Variants in ENHO observed in about 807,000 individuals in gnomAD.
The protein encoded by ENHO is energy homeostasis associated.
Under a neutral mutation model 4.1 loss-of-function variants are expected in ENHO, and 5 were observed. That is an observed-to-expected ratio of 1.23 (90% CI 0.64 to 2.58). ENHO has a LOEUF of 2.58. Among genes scored for constraint, ENHO ranks in the 30% most tolerant of loss-of-function variants. The probability of loss-of-function intolerance (pLI) is 0.01; values close to 1 mark genes in which losing one functional copy is unlikely to be tolerated. For missense variants in ENHO, 86 were observed against 97.7 expected (o/e 0.88, Z 0.51); for synonymous variants, 45 against 42.9 (o/e 1.05, Z -0.19).
chr9:34,521,582 A>G lies in ENHO; in HGVS notation c.114T>C (p.Ser38=). 1.9e-6 allele frequency: 3 copies of G among 1,614,104 alleles called. No homozygotes were observed. The highest frequency in any genetic ancestry group is 2.2e-5 in the South Asian group (2 of 91,088). The change falls in exon 2 of 2, where the codon TCT becomes TCC. Residue 38 remains serine (S), a synonymous_variant. Coordinates refer to ENST00000399775, the MANE Select transcript of ENHO (RefSeq NM_198573.3). ...ATTCAGAGAGAGAGTCAACGTCGGC[A>G]GAGCGAGAATGGCAGGCCCAGCAGA... ...VILCWACHSR[S]ADVDSLSESS...
Position 34,521,560 on chromosome 9 carries a change from CAGAG to C in ENHO, c.132_135del (p.Ser45AsnfsTer43). The C allele has an allele frequency of 1.2e-6, 2 of 1,614,012 alleles. No individual in the cohort carries two copies. Among genetic ancestry groups the C allele is most frequent in the Non-Finnish European group, 1.7e-6 (2 of 1,180,030 alleles). On this transcript the variant is annotated frameshift_variant, in exon 2 of 2. Coordinates refer to ENST00000399775, the MANE Select transcript of ENHO (RefSeq NM_198573.3). LOFTEE classifies it high-confidence loss of function. ...CCAGGGCTGGAGTTGGGACTGGATT[CAGAG>C]AGAGAGTCAACGTCGGCAGAGCGAG...
chr9:34,521,791 G>T lies in ENHO; in HGVS notation c.-96C>A, dbSNP rs376637589. ...ACTCTGGTATGGCCGGCCTTCAGAGGAGGCTGTGCTGTCTGCACGCTCAGT... is the reference window on the plus strand; with the variant it reads ...ACTCTGGTATGGCCGGCCTTCAGAGTAGGCTGTGCTGTCTGCACGCTCAGT... On this transcript the variant is annotated 5_prime_UTR_variant, in exon 2 of 2. Transcript: ENST00000399775. 1.2e-5 allele frequency: 13 copies of T among 1,110,716 alleles called. No individual in the cohort carries two copies. In the East Asian group the frequency reaches 2.3e-4, roughly 20 times the overall value. The allele number at this position is 1,110,716 out of a possible 1,614,324, so 68.8% of individuals were successfully genotyped here.
At position 34,521,460 on chromosome 9, in the gene ENHO, G is replaced by A; in HGVS notation, c.*5C>T. ...GTCCTGGGCTCCAGGCTAGGCCAGG[G>A]GCCTTCAGGGCTGCAGCAGGTAGCT... On this transcript the variant is annotated 3_prime_UTR_variant, in exon 2 of 2. Coordinates refer to ENST00000399775, the MANE Select transcript of ENHO (RefSeq NM_198573.3). 1 of 1,610,064 alleles carries A rather than the reference G, an allele frequency of 6.2e-7. No homozygotes were observed. Among genetic ancestry groups the A allele is most frequent in the Non-Finnish European group, 8.5e-7 (1 of 1,178,200 alleles).
chr9:34,521,780 G>C lies in ENHO; in HGVS notation c.-85C>G, dbSNP rs967619497. On this transcript the variant is annotated 5_prime_UTR_variant, in exon 2 of 2. Coordinates refer to ENST00000399775, the MANE Select transcript of ENHO (RefSeq NM_198573.3). Reference sequence around the variant, plus strand: ...GCCGAGGCAGGACTCTGGTATGGCCGGCCTTCAGAGGAGGCTGTGCTGTCT... The same window carrying C: ...GCCGAGGCAGGACTCTGGTATGGCCCGCCTTCAGAGGAGGCTGTGCTGTCT... The C allele has an allele frequency of 8.3e-7, 1 of 1,209,804 alleles. No individual in the cohort carries two copies. The highest frequency in any genetic ancestry group is 1.2e-6 in the Non-Finnish European group (1 of 844,906). 74.9% of individuals were successfully genotyped at this position (1,209,804 alleles called of 1,614,324 possible).
Position 34,522,592 on chromosome 9 carries a change from G to T in ENHO, c.-162+185C>A, listed in dbSNP as rs1276654716. 1.3e-5 allele frequency among the ~76,000 whole-genome samples: 2 copies of T among 151,846 alleles called. No individual in the cohort carries two copies. The highest frequency in any genetic ancestry group is 2.9e-5 in the Non-Finnish European group (2 of 67,956). Reference sequence around the variant, plus strand: ...CTCTGTGTCTCTCTCTCTCTTCCAGGCTGTATCCCCCTCTGTTCCCATGGA... The same window carrying T: ...CTCTGTGTCTCTCTCTCTCTTCCAGTCTGTATCCCCCTCTGTTCCCATGGA... On this transcript the variant is annotated intron_variant, in intron 1 of 1. Transcript: ENST00000399775. The surrounding 1 kb of genome is among the most constrained non-coding windows in gnomAD (Gnocchi z 4.2).
chr9:34,521,409 C>A lies in ENHO; in HGVS notation c.*56G>T, dbSNP rs936439422. The stretch of plus-strand genomic sequence containing the variant: ...CTGGCTGAACTCTGGGATCCTAATT[C>A]CAGGCTCTAGGTGAGGTGGACTTAG... On this transcript the variant is annotated 3_prime_UTR_variant, in exon 2 of 2. Transcript: ENST00000399775. 2 of 1,506,306 alleles carry A rather than the reference C, an allele frequency of 1.3e-6. No homozygotes were observed. The highest frequency in any genetic ancestry group is 3.4e-5 in the Admixed American group (2 of 59,394). 93.3% of individuals were successfully genotyped at this position (1,506,306 alleles called of 1,614,324 possible).
Position 34,521,689 on chromosome 9 carries a change from C to G in ENHO, c.7G>C (p.Ala3Pro). The change falls in exon 2 of 2, where the codon GCA becomes CCA. Residue 3 changes from alanine to proline, a missense_variant. By Grantham distance (27) the Ala-to-Pro change is conservative. Coordinates refer to ENST00000399775, the MANE Select transcript of ENHO (RefSeq NM_198573.3). ...ATGAGGGCCCCCTGGGAGATGGCTG[C>G]CCCCATGACAGGCAGCACCCTCAGA... is the stretch of plus-strand genomic sequence containing the variant. The part of the protein sequence containing the change: MG[A>P]AISQGALIAI... 6.2e-7 allele frequency: 1 copy of G among 1,612,968 alleles called. No individual in the cohort carries two copies. Among genetic ancestry groups the G allele is most frequent in the South Asian group, 1.1e-5 (1 of 90,984 alleles).
chr9:34,521,051 T>C lies in ENHO; in HGVS notation c.*414A>G, dbSNP rs1287819150. ...AGAAGAAAACCTCAGGGTAGAGCCA[T>C]AGTTCCATTTATTATCCAGCAAACA... On this transcript the variant is annotated 3_prime_UTR_variant, in exon 2 of 2. Coordinates refer to ENST00000399775, the MANE Select transcript of ENHO (RefSeq NM_198573.3). 9.3e-6 allele frequency: 5 copies of C among 535,798 alleles called. No homozygotes were observed. The highest frequency in any genetic ancestry group is 2.1e-5 in the South Asian group (1 of 48,614). The allele number at this position is 535,798 out of a possible 1,614,324, so 33.2% of individuals were successfully genotyped here. A position where few individuals can be genotyped will look rare whatever the true frequency, so the allele number is the denominator to read the frequency against.
Position 34,522,005 on chromosome 9 carries a change from A to C in ENHO, c.-161-149T>G. ...GGGTCCCAACAGGCTCGAATACCCC[A>C]CAGAGCCATCACCCCCATCCACAGG... On this transcript the variant is annotated intron_variant, in intron 1 of 1. Coordinates refer to ENST00000399775, the MANE Select transcript of ENHO (RefSeq NM_198573.3). The surrounding 1 kb of genome is among the most constrained non-coding windows in gnomAD (Gnocchi z 4.2). 2 of 427,736 alleles carry C rather than the reference A, an allele frequency of 4.7e-6. No homozygotes were observed. The highest frequency in any genetic ancestry group is 8.5e-6 in the Non-Finnish European group (2 of 234,740). The allele number at this position is 427,736 out of a possible 1,614,324, so 26.5% of individuals were successfully genotyped here.
rs764351015 is a variant in ENHO, at chr9:34,521,714, AC to A, written c.-20del. 6.3e-7 allele frequency: 1 copy of A among 1,599,732 alleles called. No individual in the cohort carries two copies. The highest frequency in any genetic ancestry group is 8.5e-7 in the Non-Finnish European group (1 of 1,170,152). ...CCCCCATGACAGGCAGCACCCTCAG[AC>A]CAGCACAGACAGTGGAGCTGCCTCA... is the stretch of plus-strand genomic sequence containing the variant. On this transcript the variant is annotated 5_prime_UTR_variant, in exon 2 of 2. It removes the in-frame stop codon of an upstream open reading frame in the 5' UTR. Coordinates refer to ENST00000399775, the MANE Select transcript of ENHO (RefSeq NM_198573.3).
rs1825300912 is a variant in ENHO, at chr9:34,522,904, T to A, written c.-289A>T. The stretch of plus-strand genomic sequence containing the variant: ...GGAGACCAGCAGAGGCGACGTCCGC[T>A]CCCCCGGCCCTCCCCCTCGGCCGCG... On this transcript the variant is annotated 5_prime_UTR_variant, in exon 1 of 2. Transcript: ENST00000399775. This position sits in a 1 kb window ranked among gnomAD's most constrained non-coding sequence, Gnocchi z 4.2. 2 of 150,006 alleles carry A rather than the reference T, an allele frequency of 1.3e-5. No homozygotes were observed. The highest frequency in any genetic ancestry group is 1.3e-4 in the Admixed American group (2 of 15,154). 9.3% of individuals were successfully genotyped at this position (150,006 alleles called of 1,614,324 possible). A position where few individuals can be genotyped will look rare whatever the true frequency, so the allele number is the denominator to read the frequency against.
At position 34,521,454 on chromosome 9, in the gene ENHO, G is replaced by A; in HGVS notation, c.*11C>T. 1.2e-6 allele frequency: 2 copies of A among 1,609,250 alleles called. No individual in the cohort carries two copies. Among genetic ancestry groups the A allele is most frequent in the East Asian group, 2.2e-5 (1 of 44,842 alleles). ...ACTTAGGTCCTGGGCTCCAGGCTAG[G>A]CCAGGGGCCTTCAGGGCTGCAGCAG... On this transcript the variant is annotated 3_prime_UTR_variant, in exon 2 of 2. Transcript: ENST00000399775.
In ENHO at chr9:34,521,388, C is replaced by T. The variant is rs774883423; in HGVS notation, c.*77G>A. 2.9e-6 allele frequency: 4 copies of T among 1,376,590 alleles called. No individual in the cohort carries two copies. The highest frequency in any genetic ancestry group is 4.1e-6 in the Non-Finnish European group (4 of 979,238). The allele number at this position is 1,376,590 out of a possible 1,614,324, so 85.3% of individuals were successfully genotyped here. On this transcript the variant is annotated 3_prime_UTR_variant, in exon 2 of 2. Coordinates refer to ENST00000399775, the MANE Select transcript of ENHO (RefSeq NM_198573.3). ...TCTTGAGTTCTGGACCCCAGGCTGG[C>T]TGAACTCTGGGATCCTAATTCCAGG...
rs1409898845 is a variant in ENHO, at chr9:34,522,643, G to C, written c.-162+134C>G. On this transcript the variant is annotated intron_variant, in intron 1 of 1. Coordinates refer to ENST00000399775, the MANE Select transcript of ENHO (RefSeq NM_198573.3). This position sits in a 1 kb window ranked among gnomAD's most constrained non-coding sequence, Gnocchi z 4.2. Reference sequence around the variant, plus strand: ...CGTGTCCCTATCCCCTTCTCCGTGGGGTCTTTTCGGTGGTTCCTGTGTCTC... The same window carrying C: ...CGTGTCCCTATCCCCTTCTCCGTGGCGTCTTTTCGGTGGTTCCTGTGTCTC... 6.5e-6 allele frequency: 1 copy of C among 152,942 alleles called. No individual in the cohort carries two copies. The allele number at this position is 152,942 out of a possible 1,614,324, so 9.5% of individuals were successfully genotyped here.
rs921241649 is a variant in ENHO at position 34,521,276 on chromosome 9, G to A, written c.*189C>T. The A allele has an allele frequency of 2.8e-6, 2 of 706,774 alleles. No individual in the cohort carries two copies. The highest frequency in any genetic ancestry group is 1.7e-5 in the African/African-American group (1 of 57,282). 43.8% of individuals were successfully genotyped at this position (706,774 alleles called of 1,614,324 possible). A position where few individuals can be genotyped will look rare whatever the true frequency, so the allele number is the denominator to read the frequency against. ...CACCAACTCATAAGCCCCCACCCCA[G>A]GCCCATCTCCTTAGGGCCACTGAGC... On this transcript the variant is annotated 3_prime_UTR_variant, in exon 2 of 2. Transcript: ENST00000399775.
chr9:34,521,477 C>G lies in ENHO; in HGVS notation c.219G>C (p.Leu73=). ...PQKPSHEGSY[L]LQP is the part of the protein sequence containing the mutation. ...AGGCCAGGGGCCTTCAGGGCTGCAG[C>G]AGGTAGCTGCCTTCATGGCTGGGCT... Residue 73 remains leucine, a synonymous_variant, in exon 2 of 2, where the codon CTG becomes CTC. Transcript: ENST00000399775. 1 of 1,612,522 alleles carries G rather than the reference C, an allele frequency of 6.2e-7. No homozygotes were observed.
Position 34,521,634 on chromosome 9 carries a change from A to G in ENHO, c.62T>C (p.Phe21Ser). 6.2e-7 allele frequency: 1 copy of G among 1,614,048 alleles called. No homozygotes were observed. The highest frequency in any genetic ancestry group is 8.5e-7 in the Non-Finnish European group (1 of 1,180,036). ...IAIVCNGLVGFLLLLLWVILC... is the reference protein window; with the variant it reads ...IAIVCNGLVGSLLLLLWVILC... ...GATGACCCAGAGCAGCAGCAGCAAG[A>G]AGCCCACGAGACCGTTGCAGACGAT... Residue 21 changes from phenylalanine (F) to serine (S), a missense_variant, in exon 2 of 2, where the codon TTC becomes TCC. Phe to Ser is a radical substitution (Grantham distance 155). Coordinates refer to ENST00000399775, the MANE Select transcript of ENHO (RefSeq NM_198573.3).
At position 34,521,238 on chromosome 9, in the gene ENHO, G is replaced by A. The variant is rs76043341; in HGVS notation, c.*227C>T. On this transcript the variant is annotated 3_prime_UTR_variant, in exon 2 of 2. Transcript: ENST00000399775. ...CTTGGGATGGAGCATAGTCCAGATG[G>A]CCCTGGCTCTAGCACCAACTCATAA... 1.9e-4 allele frequency: 124 copies of A among 668,830 alleles called. No individual in the cohort carries two copies. In the African/African-American group the frequency reaches 2.1e-3, roughly 11 times the overall value. The allele number at this position is 668,830 out of a possible 1,614,324, so 41.4% of individuals were successfully genotyped here. A position where few individuals can be genotyped will look rare whatever the true frequency, so the allele number is the denominator to read the frequency against.
rs1825285726 is a variant in ENHO at position 34,521,803 on chromosome 9, T to C, written c.-108A>G. 3 of 918,620 alleles carry C rather than the reference T, an allele frequency of 3.3e-6. No homozygotes were observed. 56.9% of individuals were successfully genotyped at this position (918,620 alleles called of 1,614,324 possible). A position where few individuals can be genotyped will look rare whatever the true frequency, so the allele number is the denominator to read the frequency against. On this transcript the variant is annotated 5_prime_UTR_variant, in exon 2 of 2. Coordinates refer to ENST00000399775, the MANE Select transcript of ENHO (RefSeq NM_198573.3). ...CCGGCCTTCAGAGGAGGCTGTGCTG[T>C]CTGCACGCTCAGTGATTCCTGGGCA... is the stretch of plus-strand genomic sequence containing the variant.
Sources: gnomAD v4.1 joint callset for allele counts (sites outside exome capture counted in the v4.1 genomes callset) on GRCh38, gnomAD v4.1.1 for gene constraint, Gnocchi (gnomAD v3.1) non-coding constraint, MANE v1.5 for transcripts, NCBI Gene and HGNC (gene_info 2026-07-23, HGNC 2026-07-21) for gene names.